Variants in PRSS23 observed in about 807,000 individuals in gnomAD.
PRSS23 encodes serine protease 23, also known as protease, serine 23.
PRSS23 carries 25 observed loss-of-function variants against 34.7 expected under a neutral mutation model. The observed-to-expected ratio is 0.72, with a 90% CI of 0.53 to 1.01. The LOEUF is 1.01. PRSS23 is among the 50% of genes least tolerant of loss of function. The pLI is 0.00. For synonymous variants in PRSS23, 176 were observed against 186.6 expected (o/e 0.94, Z 0.46); for missense variants, 445 against 475.6 (o/e 0.94, Z 0.60).
Position 86,951,824 on chromosome 11 carries a change from A to C in PRSS23, c.*539A>C, listed in dbSNP as rs771158006. 12 of 1,613,886 alleles carry C rather than the reference A, an allele frequency of 7.4e-6. No individual in the cohort carries two copies. The African/African-American group carries it at 1.6e-4, about 22-fold the overall frequency. On this transcript the variant is annotated 3_prime_UTR_variant, in exon 3 of 3. Coordinates refer to the PRSS23 transcript ENST00000533902. Reference sequence around the variant, plus strand: ...CCAAATGGAGCTGGCCATTCCAAAAAAGTACATCAGCAAGAAAATTATTGC... The same window carrying C: ...CCAAATGGAGCTGGCCATTCCAAAACAGTACATCAGCAAGAAAATTATTGC...
At chr11:86,882,698 A>G (rs1590911474) in intron 2 of PRSS23, among the ~76,000 whole-genome samples, 1 of 152,036 alleles carries the variant, frequency 6.6e-6, no homozygotes, top group Non-Finnish European at 1.5e-5. Flanking sequence ...AACACTTCCT[A>G]TTTCTTTGGG....
intron 2 of PRSS23, among the ~76,000 whole-genome samples, chr11:86,869,263 A>G (rs1948669566): frequency 6.6e-6 from 1 of 152,168 alleles, no homozygotes; most frequent in Non-Finnish European, 1.5e-5. Flanking sequence ...GCAGATAATA[A>G]CATGAGGGAG....
chr11:86,833,608 C>G (rs1294251837), intron 2 of PRSS23: 1 of 202,286 alleles, frequency 4.9e-6, no homozygotes, highest in Non-Finnish European at 1.0e-5. Flanking sequence ...CATTTTCCCT[C>G]CCACTGTGCT....
At chr11:86,828,756 C>G (rs1380402907) in intron 2 of PRSS23, among the ~76,000 whole-genome samples, 1 of 152,100 alleles carries the variant, frequency 6.6e-6, no homozygotes. Flanking sequence ...ACTTATGAAG[C>G]TTAGTTTGGC....
intron 2 of PRSS23, among the ~76,000 whole-genome samples, chr11:86,830,673 TATCACAGGGGCTA>T (rs1948347399): frequency 6.6e-6 from 1 of 152,184 alleles, no homozygotes; most frequent in Admixed American, 6.5e-5. Context: ...TTGCTCCTCA[TATCACAGGGGCTA>T]TACACCCCGT....
chr11:86,851,238 C>T (rs1235421377), intron 2 of PRSS23, among the ~76,000 whole-genome samples: 1 of 152,224 alleles, frequency 6.6e-6, no homozygotes, highest in African/African-American at 2.4e-5. Context: ...TTTCCAGCTT[C>T]CTCAGTAGGA....
intron 2 of PRSS23, among the ~76,000 whole-genome samples, chr11:86,880,344 A>G (rs1474439027): frequency 6.6e-6 from 1 of 151,294 alleles, no homozygotes; most frequent in Non-Finnish European, 1.5e-5. Flanking sequence ...GGAAAACCAG[A>G]GACCTTTGTT....
At chr11:86,950,612 G>T in intron 2 of PRSS23, 1 of 181,576 alleles carries the variant, frequency 5.5e-6, no homozygotes. Context: ...AGCAGACAGC[G>T]CACCACAGAA....
At chr11:86,870,639 T>C (rs1948678929) in intron 2 of PRSS23, among the ~76,000 whole-genome samples, 2 of 152,240 alleles carry the variant, frequency 1.3e-5, no homozygotes, top group Admixed American at 6.5e-5. Context: ...ATATACCTTA[T>C]ATCACCTGAA....
At chr11:86,875,948 T>C (rs1024543471) in intron 2 of PRSS23, among the ~76,000 whole-genome samples, 3 of 152,206 alleles carry the variant, frequency 2.0e-5, no homozygotes, top group Non-Finnish European at 4.4e-5. Context: ...CAAGAATCCA[T>C]AATTAAAAAT....
In PRSS23 at chr11:86,849,642, C is replaced by A. The variant is rs564523555; in HGVS notation, c.206+26049C>A. On this transcript the variant is annotated intron_variant, in intron 2 of 2. Coordinates refer to the PRSS23 transcript ENST00000533902. ...AGAAAATGTAGCAGTCCTTGCAACA[C>A]CCCAATTCTAGAATTACAAAAACCA... Among the ~76,000 whole-genome samples, 8 of 152,168 alleles carry A rather than the reference C, an allele frequency of 5.3e-5. No individual in the cohort carries two copies. The East Asian group carries it at 1.5e-3, about 29-fold the overall frequency.
chr11:86,920,495 TA>T (rs1185892845), intron 2 of PRSS23, among the ~76,000 whole-genome samples: 1 of 152,150 alleles, frequency 6.6e-6, no homozygotes, highest in Admixed American at 6.5e-5. Context: ...TGTGTACACA[TA>T]ATGGCATGGA....
At chr11:86,820,293 A>G (rs1384410133) in intron 1 of PRSS23, among the ~76,000 whole-genome samples, 17 of 152,380 alleles carry the variant, frequency 1.1e-4, no homozygotes, top group Admixed American at 1.0e-3. Flanking sequence ...TTCTTGTAGT[A>G]TAATGTAATT....
At chr11:86,802,330 G>A (rs903779026) in intron 1 of PRSS23, among the ~76,000 whole-genome samples, 2 of 152,190 alleles carry the variant, frequency 1.3e-5, no homozygotes, top group Non-Finnish European at 2.9e-5. Flanking sequence ...TTGTGTTTAG[G>A]GTTGCTTGGA....
At chr11:86,843,630 G>A (rs1188682206) in intron 2 of PRSS23, among the ~76,000 whole-genome samples, 1 of 152,134 alleles carries the variant, frequency 6.6e-6, no homozygotes, top group Admixed American at 6.5e-5. Flanking sequence ...CTTCTCAAAA[G>A]AAGACATTTA....
chr11:86,940,533 C>T (rs1949200474), intron 2 of PRSS23, among the ~76,000 whole-genome samples: 1 of 152,184 alleles, frequency 6.6e-6, no homozygotes, highest in South Asian at 2.1e-4. Flanking sequence ...TCCCAGCCCA[C>T]AGTCCACACG....
In PRSS23 at chr11:86,808,410, A is replaced by G. The variant is rs1009775797; in HGVS notation, c.767A>G (p.His256Arg). 2 of 1,614,104 alleles carry G rather than the reference A, an allele frequency of 1.2e-6. No individual in the cohort carries two copies. The highest frequency in any genetic ancestry group is 1.7e-6 in the Non-Finnish European group (2 of 1,180,056). ...DYALLELKKP[H>R]KRKFMKIGVS... is the part of the protein sequence containing the mutation. Reference sequence around the variant, plus strand: ...GCCCTCCTGGAACTCAAAAAGCCCCACAAGAGAAAATTTATGAAGATTGGG... The same window carrying G: ...GCCCTCCTGGAACTCAAAAAGCCCCGCAAGAGAAAATTTATGAAGATTGGG... The change falls in exon 2 of 2, where the codon CAC (histidine) becomes CGC (arginine). Residue 256 changes from histidine to arginine, a missense_variant. Transcript: ENST00000280258.
chr11:86,903,942 G>T lies in PRSS23; in HGVS notation c.207-47274G>T, dbSNP rs187239896. Among the ~76,000 whole-genome samples, 4 of 151,182 alleles carry T rather than the reference G, an allele frequency of 2.6e-5. No individual in the cohort carries two copies. The East Asian group carries it at 7.8e-4, about 29-fold the overall frequency. On this transcript the variant is annotated intron_variant, in intron 2 of 2. Coordinates refer to the PRSS23 transcript ENST00000533902. ...TGGTGTATGACCTGGCATAGGCAGG[G>T]TAAGCAATAATTTAGAATGTGCTGA...
rs1280167898 is a variant in PRSS23 at position 86,808,350 on chromosome 11, G to A, written c.707G>A (p.Gly236Asp). ...CATGTGCCCAAGGGTTGGATCAAGG[G>A]CAATGCCAATGACATCGGCATGGAT... ...RTHVPKGWIK[G>D]NANDIGMDYD... Residue 236 changes from glycine (G) to aspartate (D), a missense_variant, in exon 2 of 2, where the codon GGC becomes GAC. Gly to Asp is a moderately conservative substitution (Grantham distance 94, BLOSUM62 -1). Transcript: ENST00000280258. 1.9e-6 allele frequency: 3 copies of A among 1,614,194 alleles called. No homozygotes were observed. Among genetic ancestry groups the A allele is most frequent in the East Asian group, 4.5e-5 (2 of 44,886 alleles).
Sources: allele counts gnomAD v4.1 joint callset (sites outside exome capture counted in the v4.1 genomes callset), GRCh38; gene constraint gnomAD v4.1.1; transcripts MANE v1.5; gene names NCBI Gene and HGNC (gene_info 2026-07-23, HGNC 2026-07-21).